The following CTNNA3 variants were observed in gnomAD, a reference collection of about 807,000 sequenced individuals.
CTNNA3 encodes catenin alpha-3.
CTNNA3 carries 76 observed loss-of-function variants against 95.7 expected under a neutral mutation model. The observed-to-expected ratio is 0.79, with a 90% CI of 0.66 to 0.96. CTNNA3 has a LOEUF of 0.96. CTNNA3 is among the 40% of genes least tolerant of loss of function. CTNNA3 has a pLI of 0.00. For missense variants in CTNNA3, 1,191 were observed against 1,089.8 expected (o/e 1.09, Z -1.31); for synonymous variants, 431 against 374.4 (o/e 1.15, Z -1.74).
chr10:66,974,537 G>A (rs535159544), intron 7 of CTNNA3, among the ~76,000 whole-genome samples: 26 of 152,236 alleles, frequency 1.7e-4, no homozygotes, highest in Middle Eastern at 6.8e-3. Context: ...TGTAATTACT[G>A]GTTCGTAGTG....
chr10:66,958,872 G>T (rs1441920921), intron 7 of CTNNA3, among the ~76,000 whole-genome samples: 1 of 152,124 alleles, frequency 6.6e-6, no homozygotes, highest in Non-Finnish European at 1.5e-5. Context: ...GCACTTTCAA[G>T]ATACGTGATA....
At chr10:66,702,744 T>TAGTAGC (rs1847993277) in intron 9 of CTNNA3, among the ~76,000 whole-genome samples, 1 of 111,678 alleles carries the variant, frequency 9.0e-6, no homozygotes, top group Non-Finnish European at 2.2e-5. Flanking sequence ...GTAGTAGTAG[T>TAGTAGC]AGTAGTAGTA....
intron 11 of CTNNA3, among the ~76,000 whole-genome samples, chr10:66,499,779 G>C (rs896943834): frequency 6.6e-5 from 10 of 151,074 alleles, no homozygotes; most frequent in Admixed American, 4.0e-4. Flanking sequence ...TGGGATAAAT[G>C]GTTCCACACA....
intron 13 of CTNNA3, among the ~76,000 whole-genome samples, chr10:66,228,727 T>G (rs192352678): frequency 1.2e-3 from 181 of 152,248 alleles, no homozygotes; most frequent in African/African-American, 4.0e-3. Context: ...CTCTGTTCAA[T>G]GTTGAGAGTG....
intron 11 of CTNNA3, among the ~76,000 whole-genome samples, chr10:66,504,265 G>C (rs1374007703): frequency 6.6e-6 from 1 of 152,040 alleles, no homozygotes; most frequent in Non-Finnish European, 1.5e-5. Context: ...CTATGAGTTA[G>C]ACTTTTTAGG....
intron 1 of CTNNA3, among the ~76,000 whole-genome samples, chr10:67,650,851 C>G (rs552406364): frequency 3.9e-5 from 6 of 152,088 alleles, no homozygotes; most frequent in African/African-American, 7.2e-5. Flanking sequence ...CAGTGGAAAA[C>G]TATTCATTTC....
chr10:67,217,756 T>C (rs1365838896), intron 6 of CTNNA3, among the ~76,000 whole-genome samples: 3 of 152,170 alleles, frequency 2.0e-5, no homozygotes, highest in Non-Finnish European at 4.4e-5. Context: ...ACTGGAGCTC[T>C]TATGGGAGCA....
intron 7 of CTNNA3, among the ~76,000 whole-genome samples, chr10:67,087,269 T>C (rs1341697022): frequency 6.6e-6 from 1 of 151,702 alleles, no homozygotes; most frequent in Non-Finnish European, 1.5e-5. Flanking sequence ...CAGGGAAGAG[T>C]CCATTAGTGG....
At chr10:67,526,379 A>G (rs1427370537) in intron 4 of CTNNA3, among the ~76,000 whole-genome samples, 1 of 149,914 alleles carries the variant, frequency 6.7e-6, no homozygotes. Flanking sequence ...GCTGTAAGGA[A>G]TGACTATAAA....
chr10:67,391,102 G>C (rs542284680), intron 5 of CTNNA3, among the ~76,000 whole-genome samples: 5 of 151,262 alleles, frequency 3.3e-5, no homozygotes, highest in East Asian at 1.9e-4. Context: ...ATTAGGAAAA[G>C]AGGAAGTCAA....
At chr10:67,759,381 A>C (rs965279106) in intron 1 of CTNNA3, among the ~76,000 whole-genome samples, 2 of 152,248 alleles carry the variant, frequency 1.3e-5, no homozygotes, top group Non-Finnish European at 2.9e-5. Context: ...GTTGTTGTCA[A>C]ACCTATTCCT....
chr10:67,501,073 AATTTGGT>A (rs1413045477), intron 5 of CTNNA3, among the ~76,000 whole-genome samples: 1 of 152,120 alleles, frequency 6.6e-6, no homozygotes, highest in Non-Finnish European at 1.5e-5. Flanking sequence ...TGGTCTTTAC[AATTTGGT>A]ATGTTTTTGC....
At chr10:66,403,199 C>A (rs2093033130) in intron 11 of CTNNA3, among the ~76,000 whole-genome samples, 2 of 152,148 alleles carry the variant, frequency 1.3e-5, no homozygotes, top group Admixed American at 6.6e-5. Flanking sequence ...TGCAAGCCAT[C>A]AAGGAGATCA....
At chr10:67,014,474 C>A (rs916213414) in intron 7 of CTNNA3, among the ~76,000 whole-genome samples, 1 of 152,090 alleles carries the variant, frequency 6.6e-6, no homozygotes, top group East Asian at 1.9e-4. Context: ...CATATGCATT[C>A]TTGAAATATA....
intron 17 of CTNNA3, among the ~76,000 whole-genome samples, chr10:65,958,750 G>A (rs1372072103): frequency 6.6e-6 from 1 of 152,156 alleles, no homozygotes; most frequent in African/African-American, 2.4e-5. Context: ...TCCCTCCTCT[G>A]GAAGCTTTGT....
At chr10:66,227,375 G>T (rs1164833818) in intron 13 of CTNNA3, among the ~76,000 whole-genome samples, 8 of 136,434 alleles carry the variant, frequency 5.9e-5, no homozygotes, top group South Asian at 2.4e-4. Context: ...GTTAAGAGGT[G>T]TTTTTTTTTT....
At chr10:66,884,291 A>G (rs1232976241) in intron 7 of CTNNA3, among the ~76,000 whole-genome samples, 1 of 152,130 alleles carries the variant, frequency 6.6e-6, no homozygotes, top group Middle Eastern at 3.2e-3. Context: ...ATGCACATCA[A>G]TTATTTGATG....
At chr10:66,672,947 T>A (rs1029273471) in intron 9 of CTNNA3, among the ~76,000 whole-genome samples, 2 of 151,926 alleles carry the variant, frequency 1.3e-5, no homozygotes, top group Non-Finnish European at 2.9e-5. Flanking sequence ...ATAATAAAAT[T>A]ATTTTATTCT....
chr10:67,129,754 A>G (rs1859899558), intron 7 of CTNNA3, among the ~76,000 whole-genome samples: 1 of 152,138 alleles, frequency 6.6e-6, no homozygotes, highest in South Asian at 2.1e-4. Context: ...TATTTTAAGA[A>G]GTAGAAAACC....
Sources: allele counts gnomAD v4.1 joint callset (sites outside exome capture counted in the v4.1 genomes callset), GRCh38; gene constraint gnomAD v4.1.1; transcripts MANE v1.5; gene names NCBI Gene and HGNC (gene_info 2026-07-23, HGNC 2026-07-21).